The following KIFC3 variants were observed in gnomAD, a reference collection of about 807,000 sequenced individuals.
KIFC3 encodes kinesin-like protein KIFC3.
In KIFC3, 60 loss-of-function variants were observed where a neutral mutation model predicts 101.8. The ratio of observed to expected loss-of-function variants is 0.59; its 90% CI spans 0.48 to 0.73. KIFC3 has a LOEUF of 0.73. KIFC3 is among the 30% of genes least tolerant of loss of function. KIFC3 has a pLI of 0.00. For missense variants in KIFC3, 966 were observed against 1,137.1 expected, an observed-to-expected ratio of 0.85 and a Z score of 2.16; for synonymous variants, 476 against 482.7, an observed-to-expected ratio of 0.99 and a Z score of 0.18.
upstream of KIFC3, among the ~76,000 whole-genome samples, chr16:57,805,985 C>T (rs923593351): frequency 2.0e-5 from 3 of 151,954 alleles, no homozygotes; most frequent in Admixed American, 1.3e-4. Flanking sequence ...GTGATCTGCC[C>T]GCCTCAACCT....
intron 12 of KIFC3, among the ~76,000 whole-genome samples, chr16:57,763,194 G>T (rs2050068173): frequency 2.0e-5 from 3 of 152,194 alleles, no homozygotes; most frequent in Admixed American, 1.3e-4. Flanking sequence ...TCACAGCTGT[G>T]CCTGGCACGA....
At chr16:57,775,770 G>A (rs1430237271) in intron 3 of KIFC3, 1 of 985,586 alleles carries the variant, frequency 1.0e-6, no homozygotes, top group African/African-American at 1.7e-5. Context: ...CAGGACGGAG[G>A]AGAAAGCAGA....
At chr16:57,759,013 A>G in intron 19 of KIFC3, 104 bp from the exon 20 acceptor site, 1 of 1,525,602 alleles carries the variant, frequency 6.6e-7, no homozygotes, top group Non-Finnish European at 8.9e-7. Flanking sequence ...CACATAGACA[A>G]GCGACAGCAG....
At chr16:57,768,906 C>A (rs948488034) in intron 9 of KIFC3, among the ~76,000 whole-genome samples, 1 of 152,154 alleles carries the variant, frequency 6.6e-6, no homozygotes, top group African/African-American at 2.4e-5. Flanking sequence ...GTGGCTCACA[C>A]CAATAATCTC....
intron 3 of KIFC3, among the ~76,000 whole-genome samples, chr16:57,773,543 G>A (rs1893419972): frequency 6.6e-6 from 1 of 152,204 alleles, no homozygotes; most frequent in African/African-American, 2.4e-5. Flanking sequence ...AATCCCAGCT[G>A]TAATCCGGGG....
rs1555607821 is a variant in KIFC3, at chr16:57,771,192, G to A, written c.765+6C>T. ...TGAGGCACAGATCAGGTGGGCCAGG[G>A]CTCACCTTGACAGGTGGGGACTGGG... On this transcript the variant is annotated splice_donor_region_variant and intron_variant, in intron 6 of 19. Coordinates refer to ENST00000445690, the MANE Select transcript of KIFC3 (RefSeq NM_001130100.2). 1.9e-6 allele frequency: 3 copies of A among 1,611,820 alleles called. No individual in the cohort carries two copies. The highest frequency in any genetic ancestry group is 2.5e-6 in the Non-Finnish European group (3 of 1,179,740).
At chr16:57,787,527 C>A (rs1157750210) in intron 3 of KIFC3, among the ~76,000 whole-genome samples, 1 of 152,162 alleles carries the variant, frequency 6.6e-6, no homozygotes, top group Non-Finnish European at 1.5e-5. Context: ...CTCATGGAGG[C>A]CCCAGAAAGG....
intron 3 of KIFC3, among the ~76,000 whole-genome samples, chr16:57,774,552 T>C (rs550278460): frequency 6.6e-6 from 1 of 151,962 alleles, no homozygotes; most frequent in South Asian, 2.1e-4. Context: ...AGACAGGGTC[T>C]CACTCTGTCA....
Position 57,798,123 on chromosome 16 carries a change from T to G in KIFC3, c.121A>C (p.Ser41Arg), listed in dbSNP as rs1568055330. 1.3e-6 allele frequency: 2 copies of G among 1,568,810 alleles called. No homozygotes were observed. The highest frequency in any genetic ancestry group is 2.4e-5 in the East Asian group (1 of 42,310). ...GMARPAPAPA[S>R]PAARPFPHTG... ...TGTGGGAAAGGGCGGGCGGCCGGGC[T>G]GGCTGGGGCTGGGGCGGGGCGAGCC... The change falls in exon 2 of 20, where the codon AGC becomes CGC. Residue 41 changes from serine (S) to arginine (R), a missense_variant. Around this residue, in one of 2 missense-constraint regions of KIFC3, gnomAD observed 277 missense variants for 252.5 expected, o/e 1.10. Transcript: ENST00000445690.
At chr16:57,832,877 G>A (rs978976366) in intron 1 of KIFC3, among the ~76,000 whole-genome samples, 1 of 152,140 alleles carries the variant, frequency 6.6e-6, no homozygotes, top group East Asian at 1.9e-4. Flanking sequence ...ATGTTTGCAG[G>A]ATCATGTTGG....
rs1241295879 is a variant in KIFC3 at position 57,760,924 on chromosome 16, C to T, written c.2034G>A (p.Ser678=). Residue 678 remains serine, a synonymous_variant, in exon 16 of 20, where the codon TCG becomes TCA. Coordinates refer to ENST00000445690, the MANE Select transcript of KIFC3 (RefSeq NM_001130100.2). ...CGGCCCCCGACTTGCCCACGCGCTC[C>T]GAGCCAGCCAAGTCCACCAGGTTCA... ...GKLNLVDLAG[S]ERVGKSGAEG... is the part of the protein sequence containing the mutation. The T allele has an allele frequency of 2.5e-6, 4 of 1,607,150 alleles. No individual in the cohort carries two copies. The highest frequency in any genetic ancestry group is 1.1e-5 in the South Asian group (1 of 90,772).
rs1555602184 is a variant in KIFC3, at chr16:57,765,601, T to C, written c.1370A>G (p.Lys457Arg). 6.2e-7 allele frequency: 1 copy of C among 1,612,058 alleles called. No homozygotes were observed. The highest frequency in any genetic ancestry group is 2.2e-5 in the East Asian group (1 of 44,874). ...RVIARVRPVT[K>R]EDGEGPEATN... ...GGCCTCAGGTCCTTCCCCATCCTCT[T>C]TGGTGACTGGCCGGACACGAGCAAT... The change falls in exon 11 of 20, where the codon AAA becomes AGA. Residue 457 changes from lysine (K) to arginine (R), a missense_variant. Transcript: ENST00000445690.
At position 57,780,419 on chromosome 16, in the gene KIFC3, G is replaced by A. The variant is rs575923951; in HGVS notation, c.316-8131C>T. On this transcript the variant is annotated intron_variant, in intron 3 of 19. Transcript: ENST00000445690. ...CCAGCTACTCAGGAGGCTGAAGTGG[G>A]AGAATTCCTTGAACTCAGGAGGCAG... Among the ~76,000 whole-genome samples the A allele has an allele frequency of 4.7e-4, 71 of 152,002 alleles. 1 individual carries two copies. The highest frequency in any genetic ancestry group is 7.9e-4 in the Non-Finnish European group (54 of 67,980).
intron 1 of KIFC3, among the ~76,000 whole-genome samples, chr16:57,848,123 AT>A (rs2055974581): frequency 6.6e-6 from 1 of 152,164 alleles, no homozygotes; most frequent in South Asian, 2.1e-4. Flanking sequence ...CAATTTTTAA[AT>A]ACTTTTAAAT....
chr16:57,761,579 A>AGCT, intron 13 of KIFC3, 43 bp from the exon 14 acceptor site: 1 of 1,598,868 alleles, frequency 6.3e-7, no homozygotes, highest in Non-Finnish European at 8.5e-7. Flanking sequence ...TCCCATTTCC[A>AGCT]GCTGCTGTTT....
chr16:57,783,615 G>A (rs1225150192), intron 3 of KIFC3, among the ~76,000 whole-genome samples: 9 of 151,732 alleles, frequency 5.9e-5, no homozygotes, highest in Non-Finnish European at 4.4e-5. Flanking sequence ...TAAGATTACA[G>A]GCGCCCGCCA....
At chr16:57,797,618 C>T (rs782487297) in intron 2 of KIFC3, 4 of 916,862 alleles carry the variant, frequency 4.4e-6, no homozygotes, top group Non-Finnish European at 5.4e-6. Flanking sequence ...CGAGCAGCCT[C>T]GGTCCACTCC....
intron 9 of KIFC3, among the ~76,000 whole-genome samples, chr16:57,768,548 T>A (rs1481167054): frequency 5.1e-5 from 1 of 19,734 alleles, no homozygotes; most frequent in Non-Finnish European, 1.6e-4. Flanking sequence ...CACAATTGGC[T>A]TAAGCATGCT....
intron 1 of KIFC3, among the ~76,000 whole-genome samples, chr16:57,847,760 T>TTGTGTG (rs35081728): frequency 0.085 from 11,874 of 139,628 alleles, 547 homozygotes; most frequent in South Asian, 0.11. Flanking sequence ...CCAGATGAAT[T>TTGTGTG]TGTGTGTGTG....
Sources: gnomAD v4.1 joint callset for allele counts (sites outside exome capture counted in the v4.1 genomes callset) on GRCh38, gnomAD v4.1.1 for gene constraint, gnomAD v4.1.1 regional missense constraint, MANE v1.5 for transcripts, NCBI Gene and HGNC (gene_info 2026-07-23, HGNC 2026-07-21) for gene names.